The following HS3ST4 variants were observed in gnomAD, a reference collection of about 807,000 sequenced individuals.
HS3ST4 encodes the protein heparan sulfate glucosamine 3-O-sulfotransferase 4.
Under a neutral mutation model 29.2 loss-of-function variants are expected in HS3ST4, and 17 were observed. That is an observed-to-expected ratio of 0.58 (90% CI 0.40 to 0.87). The LOEUF is 0.87. Among genes scored for constraint, HS3ST4 ranks in the 40% least tolerant of loss-of-function variants. The pLI, the probability that HS3ST4 is intolerant of heterozygous loss-of-function variation, is 0.00. For missense variants in HS3ST4, 627 were observed against 634.5 expected, an observed-to-expected ratio of 0.99 and a Z score of 0.13; for synonymous variants, 314 against 285.7, an observed-to-expected ratio of 1.10 and a Z score of -1.00.
intron 1 of HS3ST4, among the ~76,000 whole-genome samples, chr16:25,981,592 G>T (rs1320182842): frequency 2.1e-5 from 3 of 145,352 alleles, no homozygotes; most frequent in Non-Finnish European, 4.5e-5. Context: ...TCATACTGCT[G>T]ATGTAATGGT....
Position 26,007,273 on chromosome 16 carries a change from A to G in HS3ST4, c.735-128339A>G, listed in dbSNP as rs74788956. Among the ~76,000 whole-genome samples the G allele has an allele frequency of 7.9e-5, 12 of 152,256 alleles. No homozygotes were observed. In the East Asian group the frequency reaches 1.9e-3, roughly 24 times the overall value. On this transcript the variant is annotated intron_variant, in intron 1 of 1. Transcript: ENST00000331351. The stretch of plus-strand genomic sequence containing the variant: ...GTGTTTTTCTCAGTTGGCTTTCTCC[A>G]TCTACCCTGCACAGGCTTCTGGAGG...
At chr16:25,864,521 C>T (rs1297012610) in intron 1 of HS3ST4, among the ~76,000 whole-genome samples, 1 of 152,056 alleles carries the variant, frequency 6.6e-6, no homozygotes, top group African/African-American at 2.4e-5. Context: ...GACACTTGGT[C>T]CCCTTTAACC....
chr16:26,053,298 A>G (rs1378470856), intron 1 of HS3ST4, among the ~76,000 whole-genome samples: 1 of 152,232 alleles, frequency 6.6e-6, no homozygotes, highest in Non-Finnish European at 1.5e-5. Context: ...AGTCATTCTG[A>G]ATGCTTATCA....
intron 1 of HS3ST4, among the ~76,000 whole-genome samples, chr16:25,939,598 C>CAA (rs1968553479): frequency 6.6e-6 from 1 of 152,084 alleles, no homozygotes; most frequent in African/African-American, 2.4e-5. Context: ...CTCAGTCTCC[C>CAA]AAAGTGTTGG....
intron 1 of HS3ST4, among the ~76,000 whole-genome samples, chr16:25,696,773 G>A (rs1012444850): frequency 1.3e-5 from 2 of 152,218 alleles, no homozygotes; most frequent in African/African-American, 4.8e-5. Flanking sequence ...GTGCTCAGCA[G>A]CATATTTTGC....
chr16:26,061,207 C>G (rs1462493434), intron 1 of HS3ST4, among the ~76,000 whole-genome samples: 1 of 152,224 alleles, frequency 6.6e-6, no homozygotes, highest in Non-Finnish European at 1.5e-5. Flanking sequence ...CTAATTAAAT[C>G]ATTTCCACAG....
intron 1 of HS3ST4, among the ~76,000 whole-genome samples, chr16:25,989,665 C>G (rs762820349): frequency 2.8e-4 from 42 of 152,182 alleles, no homozygotes; most frequent in Admixed American, 1.6e-3. Flanking sequence ...TAACTGACTT[C>G]GTCTGCTCAG....
intron 1 of HS3ST4, among the ~76,000 whole-genome samples, chr16:25,897,965 T>C (rs1454596194): frequency 6.6e-6 from 1 of 152,194 alleles, no homozygotes; most frequent in Non-Finnish European, 1.5e-5. Context: ...TTGGGGATTT[T>C]TATGTGTGTG....
At chr16:25,936,673 G>C (rs1968519718) in intron 1 of HS3ST4, among the ~76,000 whole-genome samples, 1 of 152,262 alleles carries the variant, frequency 6.6e-6, no homozygotes, top group African/African-American at 2.4e-5. Context: ...GTCAGGGAAT[G>C]TGCCCCTTGC....
chr16:25,858,803 T>C (rs1967609162), intron 1 of HS3ST4, among the ~76,000 whole-genome samples: 1 of 152,150 alleles, frequency 6.6e-6, no homozygotes, highest in Non-Finnish European at 1.5e-5. Flanking sequence ...CATAGAGTTC[T>C]TTTATAATTT....
intron 1 of HS3ST4, among the ~76,000 whole-genome samples, chr16:26,006,235 G>T (rs572581188): frequency 2.2e-4 from 29 of 134,280 alleles, no homozygotes; most frequent in Non-Finnish European, 3.4e-4. Flanking sequence ...GGAGGCAGAG[G>T]TTGCAGTGAG....
chr16:25,875,721 C>A (rs1967824298), intron 1 of HS3ST4, among the ~76,000 whole-genome samples: 1 of 152,038 alleles, frequency 6.6e-6, no homozygotes, highest in Non-Finnish European at 1.5e-5. Flanking sequence ...TTCCAGTAGC[C>A]CTAAGTGTAA....
intron 1 of HS3ST4, among the ~76,000 whole-genome samples, chr16:25,697,360 G>C (rs1966305049): frequency 6.6e-6 from 1 of 152,218 alleles, no homozygotes; most frequent in South Asian, 2.1e-4. Flanking sequence ...GCTACTGTCT[G>C]TATGTGGCTA....
chr16:25,751,492 T>C (rs189738102), intron 1 of HS3ST4, among the ~76,000 whole-genome samples: 3 of 152,294 alleles, frequency 2.0e-5, no homozygotes, highest in East Asian at 1.9e-4. Context: ...TGGAGTGACA[T>C]TGATTATGTA....
At chr16:25,770,427 C>A (rs568806309) in intron 1 of HS3ST4, among the ~76,000 whole-genome samples, 1 of 152,294 alleles carries the variant, frequency 6.6e-6, no homozygotes, top group East Asian at 1.9e-4. Flanking sequence ...TCTATTATCA[C>A]CTCTAGCTTA....
intron 1 of HS3ST4, among the ~76,000 whole-genome samples, chr16:26,071,742 G>A (rs1898605988): frequency 6.6e-6 from 1 of 152,164 alleles, no homozygotes; most frequent in African/African-American, 2.4e-5. Context: ...AAAGTGAAGT[G>A]CCTAGGGTAT....
At chr16:25,862,892 C>T (rs903063204) in intron 1 of HS3ST4, among the ~76,000 whole-genome samples, 7 of 152,178 alleles carry the variant, frequency 4.6e-5, no homozygotes, top group Admixed American at 2.6e-4. Flanking sequence ...TTTAGCCCCA[C>T]CCACTGTGTC....
chr16:25,823,017 C>T (rs924529793), intron 1 of HS3ST4, among the ~76,000 whole-genome samples: 20 of 152,236 alleles, frequency 1.3e-4, no homozygotes, highest in South Asian at 1.2e-3. Flanking sequence ...GGATTACAGG[C>T]GTGAACCACT....
At chr16:25,997,885 C>A (rs1383336369) in intron 1 of HS3ST4, among the ~76,000 whole-genome samples, 2 of 152,114 alleles carry the variant, frequency 1.3e-5, no homozygotes, top group Non-Finnish European at 2.9e-5. Flanking sequence ...GCAGAATCCA[C>A]CAAGTGGCTC....
Sources: gnomAD v4.1 joint callset for allele counts (sites outside exome capture counted in the v4.1 genomes callset) on GRCh38, gnomAD v4.1.1 for gene constraint, MANE v1.5 for transcripts, NCBI Gene and HGNC (gene_info 2026-07-23, HGNC 2026-07-21) for gene names.